METTL2B: variants seen among roughly 807,000 people sequenced by gnomAD.
The protein encoded by METTL2B is methyltransferase 2B, tRNA N3-cytidine, also known as tRNA N(3)-cytidine methyltransferase METTL2B.
In METTL2B, 28 loss-of-function variants were observed where a neutral mutation model predicts 51.0. The ratio of observed to expected loss-of-function variants is 0.55; its 90% CI spans 0.41 to 0.75. The LOEUF is 0.75. METTL2B is among the 30% of genes least tolerant of loss of function. The pLI is 0.00. For missense variants in METTL2B, 313 were observed against 460.7 expected (o/e 0.68, Z 2.93); for synonymous variants, 128 against 166.3 (o/e 0.77, Z 1.77).
At chr7:128,483,141 A>C (rs1209779943) in intron 4 of METTL2B, 5 of 152,230 alleles carry the variant, frequency 3.3e-5, no homozygotes, top group Middle Eastern at 6.3e-3. Flanking sequence ...CTTAGCTTCA[A>C]GTTATGGCCA....
intron 4 of METTL2B, among the ~76,000 whole-genome samples, chr7:128,485,410 TC>T (rs1427079609): frequency 1.3e-5 from 2 of 152,054 alleles, no homozygotes; most frequent in Admixed American, 6.6e-5. Flanking sequence ...ACGCCTGTAA[TC>T]CCAGCACTTT....
At chr7:128,490,165 G>A (rs185777211) in intron 5 of METTL2B, among the ~76,000 whole-genome samples, 155 of 152,172 alleles carry the variant, frequency 1.0e-3, no homozygotes, top group African/African-American at 3.4e-3. Context: ...ATCTTTTCTG[G>A]AGTAGATTTG....
intron 3 of METTL2B, among the ~76,000 whole-genome samples, 189 bp from the exon 4 acceptor site, chr7:128,480,458 G>A (rs1247224111): frequency 5.3e-5 from 8 of 152,158 alleles, no homozygotes; most frequent in African/African-American, 1.9e-4. Flanking sequence ...CCATGTTCTT[G>A]TCTTTTAAGG....
At chr7:128,484,583 G>T (rs1350061327) in intron 4 of METTL2B, among the ~76,000 whole-genome samples, 1 of 151,816 alleles carries the variant, frequency 6.6e-6, no homozygotes, top group Non-Finnish European at 1.5e-5. Flanking sequence ...TGTTTGGTTG[G>T]TTTTTTGTTT....
chr7:128,489,833 T>C (rs1191570148), intron 5 of METTL2B, among the ~76,000 whole-genome samples: 2 of 151,340 alleles, frequency 1.3e-5, no homozygotes, highest in Non-Finnish European at 2.9e-5. Flanking sequence ...TTTCACCGTT[T>C]TAGCTGGGAT....
intron 4 of METTL2B, among the ~76,000 whole-genome samples, chr7:128,486,638 A>G (rs1380216266): frequency 6.6e-6 from 1 of 151,410 alleles, no homozygotes; most frequent in Non-Finnish European, 1.5e-5. Context: ...GAAGAAAACA[A>G]CGCTTGCCAG....
At chr7:128,494,748 C>T (rs1479603901) in intron 6 of METTL2B, among the ~76,000 whole-genome samples, 1 of 152,162 alleles carries the variant, frequency 6.6e-6, no homozygotes, top group Non-Finnish European at 1.5e-5. Context: ...CTGCCTCAAC[C>T]TCCCGAGTAG....
Position 128,504,358 on chromosome 7 carries a change from T to TTTC in METTL2B, c.*2444_*2445insCTT. 6.7e-6 allele frequency: 1 copy of TTTC among 149,732 alleles called. No homozygotes were observed. The highest frequency in any genetic ancestry group is 2.2e-4 in the South Asian group (1 of 4,584). The allele number at this position is 149,732 out of a possible 1,614,324, so 9.3% of individuals were successfully genotyped here. ...ATGTAGCAAGACCCTGACTTTTTTT[T>TTTC]TTTTTTTTTTTGAGATGGAGTTTCG... On this transcript the variant is annotated 3_prime_UTR_variant, in exon 9 of 9. Coordinates refer to ENST00000262432, the MANE Select transcript of METTL2B (RefSeq NM_018396.3).
At chr7:128,479,768 AT>A (rs1207239123) in intron 3 of METTL2B, among the ~76,000 whole-genome samples, 1 of 152,254 alleles carries the variant, frequency 6.6e-6, no homozygotes, top group Non-Finnish European at 1.5e-5. Context: ...TATTAATAGC[AT>A]CATGCTGTAC....
chr7:128,478,107 C>T (rs1288472332), intron 2 of METTL2B: 1 of 346,690 alleles, frequency 2.9e-6, no homozygotes, highest in Non-Finnish European at 6.0e-6. Context: ...ATTCCAACTT[C>T]CATTGTCACC....
chr7:128,492,540 C>T (rs1222979559), intron 5 of METTL2B, among the ~76,000 whole-genome samples: 9 of 152,184 alleles, frequency 5.9e-5, no homozygotes, highest in Non-Finnish European at 1.3e-4. Flanking sequence ...CCTCAGCCTC[C>T]CAGGGTGCTG....
At chr7:128,488,647 C>T (rs983024618) in intron 5 of METTL2B, 28 of 380,856 alleles carry the variant, frequency 7.4e-5, no homozygotes, top group Non-Finnish European at 1.2e-4. Flanking sequence ...TCTCCTTGTT[C>T]TCTAAGACAC....
chr7:128,482,911 G>C (rs1300636852), intron 4 of METTL2B: 1 of 152,144 alleles, frequency 6.6e-6, no homozygotes. Context: ...GTTTCTCAAA[G>C]GTTTCATATA....
chr7:128,498,811 C>T (rs985866442), intron 7 of METTL2B, among the ~76,000 whole-genome samples: 1 of 151,984 alleles, frequency 6.6e-6, no homozygotes, highest in African/African-American at 2.4e-5. Context: ...CCAGCCCGAC[C>T]AACATGGAGA....
intron 8 of METTL2B, chr7:128,501,465 G>A: frequency 2.0e-6 from 2 of 985,416 alleles, no homozygotes; most frequent in Non-Finnish European, 2.4e-6. Context: ...CTTTCCTAAA[G>A]CAATTGCTTT....
chr7:128,499,665 T>A (rs1447762861), intron 7 of METTL2B, among the ~76,000 whole-genome samples: 2 of 141,144 alleles, frequency 1.4e-5, no homozygotes, highest in African/African-American at 5.0e-5. Flanking sequence ...ACTACAGGCA[T>A]GTGCCACCAC....
In METTL2B at chr7:128,499,011, A is replaced by G. The variant is rs1689204649; in HGVS notation, c.916+869A>G. Among the ~76,000 whole-genome samples the G allele has an allele frequency of 3.9e-5, 6 of 152,144 alleles. No homozygotes were observed. The South Asian group carries it at 1.2e-3, about 32-fold the overall frequency. ...AAACTCTGTCTCAAAAAAAAAAAAA[A>G]AGACATCTGAAAGACATAAATAATT... On this transcript the variant is annotated intron_variant, in intron 7 of 8. Transcript: ENST00000262432.
intron 1 of METTL2B, 58 bp from the exon 2 acceptor site, chr7:128,477,024 C>G: frequency 6.3e-7 from 1 of 1,576,240 alleles, no homozygotes; most frequent in Non-Finnish European, 8.6e-7. Flanking sequence ...AGGCCAGCGA[C>G]TCACCCTGCT....
chr7:128,481,724 G>A (rs570482924), intron 4 of METTL2B, among the ~76,000 whole-genome samples: 2 of 152,252 alleles, frequency 1.3e-5, no homozygotes, highest in South Asian at 2.1e-4. Context: ...CACACTGCAG[G>A]CTCAAACTCC....
Sources: gnomAD v4.1 joint callset for allele counts (sites outside exome capture counted in the v4.1 genomes callset) on GRCh38, gnomAD v4.1.1 for gene constraint, MANE v1.5 for transcripts, NCBI Gene and HGNC (gene_info 2026-07-23, HGNC 2026-07-21) for gene names.